Variants in DPEP1 observed in about 807,000 individuals in gnomAD.
DPEP1 encodes the protein dipeptidase 1, also known as beta-lactamase.
DPEP1 carries 50 observed loss-of-function variants against 42.3 expected under a neutral mutation model. The ratio of observed to expected loss-of-function variants is 1.18; its 90% confidence interval spans 0.94 to 1.50. DPEP1 has a LOEUF of 1.50. Ranked by LOEUF, DPEP1 falls within the 40% of genes most tolerant of loss-of-function variation. The pLI, the probability that DPEP1 is intolerant of heterozygous loss-of-function variation, is 0.00. For missense variants in DPEP1, 663 were observed against 553.0 expected (o/e 1.20, Z -1.99); for synonymous variants, 297 against 234.0 (o/e 1.27, Z -2.46).
At chr16:89,629,146 T>A (rs1172886797) in intron 1 of DPEP1, among the ~76,000 whole-genome samples, 1 of 152,240 alleles carries the variant, frequency 6.6e-6, no homozygotes, top group Non-Finnish European at 1.5e-5. Context: ...TTTTATACTT[T>A]GTTCATTATG....
rs149940939 is a variant in DPEP1, at chr16:89,636,704, G to A, written c.521+21G>A. ...CCCTGGTGCGTGACTCCCCATGGGA[G>A]GCCCCCGGGCTGTGGTCAGGAGGGA... On this transcript the variant is annotated intron_variant, in intron 5 of 10. Transcript: ENST00000690203. 177 of 1,611,148 alleles carry A rather than the reference G, an allele frequency of 1.1e-4. 1 individual carries two copies. The African/African-American group carries it at 1.9e-3, about 18-fold the overall frequency.
At chr16:89,636,779 G>C in intron 5 of DPEP1, 87 bp from the exon 6 acceptor site, 1 of 1,601,618 alleles carries the variant, frequency 6.2e-7, no homozygotes, top group Non-Finnish European at 8.5e-7. Flanking sequence ...CTCTGCCTGT[G>C]AGTCCCAGGC....
chr16:89,615,245 G>T lies in DPEP1; in HGVS notation c.-107+1526G>T, dbSNP rs1349084449. ...CTTCAGGGGGACGTAGGCTGCGGTG[G>T]ACGGACACTGAGCCCCAAAGCGGCC... On this transcript the variant is annotated intron_variant, in intron 1 of 10. Coordinates refer to ENST00000690203, the MANE Select transcript of DPEP1 (RefSeq NM_001389466.1). 5.3e-5 allele frequency among the ~76,000 whole-genome samples: 8 copies of T among 152,340 alleles called. No individual in the cohort carries two copies. In the East Asian group the frequency reaches 1.5e-3, roughly 29 times the overall value.
chr16:89,634,432 C>G (rs1229017217), intron 2 of DPEP1, among the ~76,000 whole-genome samples: 1 of 152,152 alleles, frequency 6.6e-6, no homozygotes, highest in Non-Finnish European at 1.5e-5. Context: ...TGCTCCTGGT[C>G]TCTGCCAGGC....
intron 5 of DPEP1, 85 bp downstream of exon 5, chr16:89,636,768 C>T: frequency 1.9e-6 from 3 of 1,601,564 alleles, no homozygotes; most frequent in Non-Finnish European, 2.6e-6. Flanking sequence ...GAGCCCATCC[C>T]CTCTGCCTGT....
intron 1 of DPEP1, among the ~76,000 whole-genome samples, chr16:89,627,373 A>AG (rs1275392200): frequency 6.6e-6 from 1 of 151,788 alleles, no homozygotes; most frequent in Non-Finnish European, 1.5e-5. Flanking sequence ...ATTTTAGGTC[A>AG]GGAGTTCAAG....
At position 89,613,958 on chromosome 16, in the gene DPEP1, A is replaced by G. The variant is rs61060850; in HGVS notation, c.-107+239A>G. 0.028 allele frequency among the ~76,000 whole-genome samples: 917 copies of G among 33,184 alleles called. 123 individuals are homozygous for G. The East Asian group carries it at 0.37, about 13-fold the overall frequency. 21.8% of individuals were successfully genotyped at this position (33,184 alleles called of 152,430 possible). A position where few individuals can be genotyped will look rare whatever the true frequency, so the allele number is the denominator to read the frequency against. ...AGGTGTGTGGGGCAGGGGACGAGGC[A>G]GCTTCCTGGGATTCTAGGAGGCTGG... On this transcript the variant is annotated intron_variant, in intron 1 of 10. Transcript: ENST00000690203.
Position 89,636,536 on chromosome 16 carries a change from T to C in DPEP1, c.374T>C (p.Ile125Thr), listed in dbSNP as rs766420231. 1.2e-6 allele frequency: 2 copies of C among 1,612,276 alleles called. No homozygotes were observed. The highest frequency in any genetic ancestry group is 1.7e-6 in the Non-Finnish European group (2 of 1,179,740). Residue 125 changes from isoleucine (I) to threonine (T), a missense_variant, in exon 5 of 11, where the codon ATT becomes ACT. By Grantham distance (89) the Ile-to-Thr change is moderately conservative. Coordinates refer to ENST00000690203, the MANE Select transcript of DPEP1 (RefSeq NM_001389466.1). The stretch of plus-strand genomic sequence containing the variant: ...TGCACCCTGACTCTCCCCGCAGGCA[T>C]TCGGCAGGCCTTCCGGGAAGGGAAG... ...TFLYVTSSAG[I>T]RQAFREGKVA...
intron 1 of DPEP1, among the ~76,000 whole-genome samples, chr16:89,621,671 G>A (rs775672389): frequency 1.3e-5 from 2 of 152,228 alleles, no homozygotes; most frequent in African/African-American, 2.4e-5. Context: ...GCACATGCAA[G>A]GAAGGGCTCA....
chr16:89,613,392 A>C (rs1336310800), upstream of DPEP1: 1 of 152,308 alleles, frequency 6.6e-6, no homozygotes, highest in African/African-American at 2.4e-5. Flanking sequence ...AGAAGTTTCT[A>C]GCCTTGGGGG....
At chr16:89,625,593 G>A (rs1316475969) in intron 1 of DPEP1, among the ~76,000 whole-genome samples, 1 of 152,186 alleles carries the variant, frequency 6.6e-6, no homozygotes, top group Non-Finnish European at 1.5e-5. Context: ...TGGACGAGGG[G>A]AGGCTCTGGG....
In DPEP1 at chr16:89,636,694, C is replaced by A; in HGVS notation, c.521+11C>A. On this transcript the variant is annotated intron_variant, in intron 5 of 10. Coordinates refer to ENST00000690203, the MANE Select transcript of DPEP1 (RefSeq NM_001389466.1). Reference sequence around the variant, plus strand: ...CTGCAACACGCCCTGGTGCGTGACTCCCCATGGGAGGCCCCCGGGCTGTGG... The same window carrying A: ...CTGCAACACGCCCTGGTGCGTGACTACCCATGGGAGGCCCCCGGGCTGTGG... 6.2e-7 allele frequency: 1 copy of A among 1,611,908 alleles called. No homozygotes were observed. Among genetic ancestry groups the A allele is most frequent in the South Asian group, 1.1e-5 (1 of 91,064 alleles).
rs543502882 is a variant in DPEP1, at chr16:89,623,366, A to C, written c.-106-6939A>C. Among the ~76,000 whole-genome samples, 13 of 152,102 alleles carry C rather than the reference A, an allele frequency of 8.5e-5. No individual in the cohort carries two copies. In the South Asian group the frequency reaches 2.5e-3, roughly 29 times the overall value. On this transcript the variant is annotated intron_variant, in intron 1 of 10. Coordinates refer to ENST00000690203, the MANE Select transcript of DPEP1 (RefSeq NM_001389466.1). ...GGCATCTCCGGAGCTCGCCCCACAC[A>C]AAGCCTGGGGTCGAGAGCCCGCTCA...
Position 89,613,995 on chromosome 16 carries a change from T to G in DPEP1, c.-107+276T>G, listed in dbSNP as rs1468814986. Among the ~76,000 whole-genome samples the G allele has an allele frequency of 2.8e-5, 4 of 145,318 alleles. 1 individual carries two copies. The East Asian group carries it at 6.0e-4, about 22-fold the overall frequency. ...TTCTAGGAGGCTGGCACCAGGTGTG[T>G]GGGGCAGGGGACGCGGCTGCTTCCT... On this transcript the variant is annotated intron_variant, in intron 1 of 10. Transcript: ENST00000690203.
intron 1 of DPEP1, among the ~76,000 whole-genome samples, chr16:89,617,787 G>GCCGGGCGCGGTGGCTCACACCTGTAATC (rs2059396434): frequency 6.6e-6 from 1 of 151,964 alleles, no homozygotes; most frequent in African/African-American, 2.4e-5. Flanking sequence ...GCTGTGGGAG[G>GCCGGGCGCGGTGGCTCACACCTGTAATC]CCAAGACGGG....
intron 1 of DPEP1, among the ~76,000 whole-genome samples, chr16:89,627,272 C>CA (rs751000812): frequency 0.042 from 3,394 of 80,538 alleles, 125 homozygotes; most frequent in South Asian, 0.1. Context: ...GACTCCGTCT[C>CA]AAAAAAAAAA....
At chr16:89,637,003 A>G in intron 6 of DPEP1, 68 bp downstream of exon 6, 1 of 1,590,064 alleles carries the variant, frequency 6.3e-7, no homozygotes. Context: ...TGACCAGAAC[A>G]ATGCATCTCC....
In DPEP1 at chr16:89,636,371, C is replaced by G; in HGVS notation, c.345C>G (p.Thr115=). The change falls in exon 4 of 11, where the codon ACC becomes ACG. Residue 115 remains threonine (T), a synonymous_variant. Transcript: ENST00000690203. Reference sequence around the variant, plus strand: ...GCATGTGCCGGATGTACCCGGAGACCTTCCTGTATGTCACCAGCAGTGCAG... The same window carrying G: ...GCATGTGCCGGATGTACCCGGAGACGTTCCTGTATGTCACCAGCAGTGCAG... ...VHRMCRMYPE[T]FLYVTSSAGI... 6.2e-7 allele frequency: 1 copy of G among 1,612,488 alleles called. No homozygotes were observed.
chr16:89,637,366 G>C lies in DPEP1; in HGVS notation c.754G>C (p.Val252Leu). 1 of 1,612,234 alleles carries C rather than the reference G, an allele frequency of 6.2e-7. No homozygotes were observed. Among genetic ancestry groups the C allele is most frequent in the South Asian group, 1.1e-5 (1 of 91,072 alleles). The change falls in exon 7 of 11, where the codon GTC (valine) becomes CTC (leucine). Residue 252 changes from valine to leucine, a missense_variant. Val to Leu is a conservative substitution (Grantham distance 32). Coordinates refer to ENST00000690203, the MANE Select transcript of DPEP1 (RefSeq NM_001389466.1). ...CASRRNVPDD[V>L]LRLVKQTDSL... is the part of the protein sequence containing the mutation. ...AAGCCGGCGCAACGTGCCTGACGACGTCCTGAGGCTGGTGGTGAGGGCCGA... is the reference window on the plus strand; with the variant it reads ...AAGCCGGCGCAACGTGCCTGACGACCTCCTGAGGCTGGTGGTGAGGGCCGA...
Sources: allele counts gnomAD v4.1 joint callset (sites outside exome capture counted in the v4.1 genomes callset), GRCh38; gene constraint gnomAD v4.1.1; transcripts MANE v1.5; gene names NCBI Gene and HGNC (gene_info 2026-07-23, HGNC 2026-07-21).